The following PTPRD variants were observed in gnomAD, a reference collection of about 807,000 sequenced individuals.
PTPRD encodes protein tyrosine phosphatase receptor type D.
In PTPRD, 34 loss-of-function variants were observed where a neutral mutation model predicts 214.5. The observed-to-expected ratio is 0.16, with a 90% CI of 0.12 to 0.21. PTPRD has a LOEUF of 0.21. Among genes scored for constraint, PTPRD ranks in the 10% least tolerant of loss-of-function variants. The pLI is 1.00. For synonymous variants in PTPRD, 1,128 were observed against 845.7 expected (o/e 1.33, Z -5.79); for missense variants, 2,545 against 2,398.7 (o/e 1.06, Z -1.27).
intron 3 of PTPRD, among the ~76,000 whole-genome samples, chr9:10,173,623 A>AT (rs201020661): frequency 0.028 from 4,160 of 151,200 alleles, 79 homozygotes; most frequent in Non-Finnish European, 0.04. Context: ...TTTTCAGAAC[A>AT]TTTTTTTTTA....
chr9:9,186,849 A>G (rs1394667226), intron 9 of PTPRD, among the ~76,000 whole-genome samples: 1 of 152,016 alleles, frequency 6.6e-6, no homozygotes, highest in East Asian at 1.9e-4. Context: ...TCTATTTTCT[A>G]ACTGGAATTA....
intron 2 of PTPRD, among the ~76,000 whole-genome samples, chr9:10,459,987 T>C (rs1218656942): frequency 2.0e-5 from 3 of 152,096 alleles, no homozygotes; most frequent in African/African-American, 2.4e-5. Flanking sequence ...CAATTTTAAG[T>C]GTACAGTTAA....
At chr9:8,452,536 G>A (rs879321121) in intron 33 of PTPRD, among the ~76,000 whole-genome samples, 1 of 152,004 alleles carries the variant, frequency 6.6e-6, no homozygotes, top group Non-Finnish European at 1.5e-5. Flanking sequence ...TCTCATTTTC[G>A]ATTTGAAAAA....
intron 7 of PTPRD, among the ~76,000 whole-genome samples, chr9:9,634,860 A>C (rs1379960935): frequency 6.6e-6 from 1 of 152,214 alleles, no homozygotes; most frequent in Non-Finnish European, 1.5e-5. Flanking sequence ...AGTTACTTTT[A>C]TGTTGAGTAC....
intron 9 of PTPRD, among the ~76,000 whole-genome samples, chr9:9,196,001 G>C (rs938793629): frequency 6.6e-6 from 1 of 152,064 alleles, no homozygotes; most frequent in Non-Finnish European, 1.5e-5. Context: ...AAAGATAAAA[G>C]GCTGTACAGT....
intron 11 of PTPRD, among the ~76,000 whole-genome samples, chr9:8,776,591 CTAAGAA>C (rs1328458796): frequency 6.6e-6 from 1 of 151,894 alleles, no homozygotes; most frequent in African/African-American, 2.4e-5. Context: ...TGCACCCAGC[CTAAGAA>C]TAAGTATTTA....
chr9:8,478,014 A>T (rs891140726), intron 30 of PTPRD, among the ~76,000 whole-genome samples: 3 of 152,162 alleles, frequency 2.0e-5, no homozygotes, highest in African/African-American at 7.2e-5. Context: ...TACATCAGTT[A>T]ATGTGTGTAA....
In PTPRD at chr9:8,746,465, G is replaced by C. The variant is rs532188446; in HGVS notation, c.-103-12519C>G. Among the ~76,000 whole-genome samples the C allele has an allele frequency of 4.6e-3, 697 of 152,162 alleles. 7 individuals are homozygous for C. The highest frequency in any genetic ancestry group is 0.016 in the African/African-American group (684 of 41,500). ...TCACTCCTTTAGAAAATATATTTGA[G>C]ACCTCTGGAAAGACTTTTTAAAGTA... On this transcript the variant is annotated intron_variant, in intron 11 of 45. Transcript: ENST00000381196.
At chr9:8,448,378 T>C (rs2095817695) in intron 34 of PTPRD, among the ~76,000 whole-genome samples, 1 of 152,078 alleles carries the variant, frequency 6.6e-6, no homozygotes, top group Non-Finnish European at 1.5e-5. Flanking sequence ...AAGTTGCCTA[T>C]AGGCTGAAGT....
At chr9:9,605,797 G>A (rs752648773) in intron 7 of PTPRD, among the ~76,000 whole-genome samples, 1 of 152,016 alleles carries the variant, frequency 6.6e-6, no homozygotes, top group Non-Finnish European at 1.5e-5. Context: ...AATGCTTCTG[G>A]TAATTAAACT....
chr9:9,462,158 G>C (rs2093717062), intron 8 of PTPRD, among the ~76,000 whole-genome samples: 2 of 152,042 alleles, frequency 1.3e-5, no homozygotes, highest in Non-Finnish European at 2.9e-5. Flanking sequence ...AAAAGTATGA[G>C]TGAGTAGACT....
chr9:9,376,860 A>G (rs932271063), intron 9 of PTPRD, among the ~76,000 whole-genome samples: 1 of 152,132 alleles, frequency 6.6e-6, no homozygotes, highest in African/African-American at 2.4e-5. Flanking sequence ...TATATCCTTT[A>G]GTATTCAGTA....
chr9:9,514,313 T>C (rs1476895691), intron 8 of PTPRD, among the ~76,000 whole-genome samples: 1 of 152,090 alleles, frequency 6.6e-6, no homozygotes, highest in Non-Finnish European at 1.5e-5. Context: ...ACTGAGTTTT[T>C]TTGATGGCAT....
chr9:10,500,193 G>A (rs958743676), intron 2 of PTPRD, among the ~76,000 whole-genome samples: 3 of 151,726 alleles, frequency 2.0e-5, no homozygotes, highest in Admixed American at 2.0e-4. Flanking sequence ...TTTGGTTCTT[G>A]CAAGCATTCT....
rs374601095 is a variant in PTPRD, at chr9:10,208,789, G to C, written c.-545+132174C>G. Among the ~76,000 whole-genome samples, 7 of 152,234 alleles carry C rather than the reference G, an allele frequency of 4.6e-5. No individual in the cohort carries two copies. The East Asian group carries it at 1.2e-3, about 25-fold the overall frequency. The stretch of plus-strand genomic sequence containing the variant: ...GAATATAAAATTAAGCCACTATCTT[G>C]AGTAAATATAAAAATGAAACAGATG... On this transcript the variant is annotated intron_variant, in intron 3 of 45. Coordinates refer to ENST00000381196, the MANE Select transcript of PTPRD (RefSeq NM_002839.4).
chr9:9,494,883 TG>T (rs2096096576), intron 8 of PTPRD, among the ~76,000 whole-genome samples: 1 of 152,160 alleles, frequency 6.6e-6, no homozygotes. Context: ...AGAAGAAAAC[TG>T]TAAGATTCAC....
At chr9:9,862,606 G>C (rs1239638575) in intron 5 of PTPRD, among the ~76,000 whole-genome samples, 1 of 151,632 alleles carries the variant, frequency 6.6e-6, no homozygotes, top group Non-Finnish European at 1.5e-5. Context: ...AGTGAGATAA[G>C]AAATACTACT....
At chr9:9,532,604 T>C (rs1423168564) in intron 8 of PTPRD, among the ~76,000 whole-genome samples, 1 of 152,186 alleles carries the variant, frequency 6.6e-6, no homozygotes, top group Non-Finnish European at 1.5e-5. Flanking sequence ...TTCCAATTCA[T>C]TGCATCTTTG....
At chr9:10,030,883 C>T (rs1438111912) in intron 4 of PTPRD, among the ~76,000 whole-genome samples, 1 of 152,314 alleles carries the variant, frequency 6.6e-6, no homozygotes, top group East Asian at 1.9e-4. Context: ...GAGTACAAAG[C>T]TGCTTAAATC....
Sources: allele counts gnomAD v4.1 joint callset (sites outside exome capture counted in the v4.1 genomes callset), GRCh38; gene constraint gnomAD v4.1.1; transcripts MANE v1.5; gene names NCBI Gene and HGNC (gene_info 2026-07-23, HGNC 2026-07-21).